Variants in SMIM7 observed in about 807,000 individuals in gnomAD.
SMIM7 encodes the protein small integral membrane protein 7, also known as UPF0608 protein C19orf42.
In SMIM7, 12 loss-of-function variants were observed where a neutral mutation model predicts 13.3. The observed-to-expected ratio is 0.90, with a 90% CI of 0.58 to 1.46. The LOEUF (loss-of-function observed/expected upper bound fraction) is 1.46, where lower values mean the gene tolerates loss of function less well. SMIM7 is among the 40% of genes most tolerant of loss of function. The pLI, the probability that SMIM7 is intolerant of heterozygous loss-of-function variation, is 0.00. For synonymous variants in SMIM7, 36 were observed against 35.8 expected (o/e 1.01, Z -0.02); for missense variants, 114 against 94.8 (o/e 1.20, Z -0.84).
intron 2 of SMIM7, 193 bp downstream of exon 2, chr19:16,659,766 G>T: frequency 1.4e-6 from 1 of 720,422 alleles, no homozygotes; most frequent in Non-Finnish European, 2.3e-6. Context: ...AAGGAACGGA[G>T]AGTATGGGTT....
At chr19:16,652,671 A>C in intron 4 of SMIM7, 1 of 1,398,844 alleles carries the variant, frequency 7.1e-7, no homozygotes, top group Non-Finnish European at 9.3e-7. Flanking sequence ...CATCCTCCCC[A>C]GATCTCCTAT....
intron 4 of SMIM7, among the ~76,000 whole-genome samples, chr19:16,650,840 G>A (rs1189875990): frequency 6.6e-6 from 1 of 152,254 alleles, no homozygotes; most frequent in Non-Finnish European, 1.5e-5. Context: ...CAACTCCCTG[G>A]CTAAACAGTG....
chr19:16,642,987 C>T (rs1438992001), downstream of SMIM7, among the ~76,000 whole-genome samples: 15 of 152,086 alleles, frequency 9.9e-5, no homozygotes, highest in African/African-American at 3.6e-4. Context: ...CCACACCTGG[C>T]TAATTTTTGT....
downstream of SMIM7, chr19:16,641,232 G>A (rs1273263056): frequency 6.6e-6 from 1 of 152,076 alleles, no homozygotes; most frequent in South Asian, 2.1e-4. Flanking sequence ...GTTATAGTAT[G>A]GAGGTTGCTA....
chr19:16,647,606 C>A (rs1230948947), intron 4 of SMIM7, among the ~76,000 whole-genome samples: 1 of 151,002 alleles, frequency 6.6e-6, no homozygotes, highest in Non-Finnish European at 1.5e-5. Flanking sequence ...CAGGCGCCTG[C>A]CACCAAGCCA....
downstream of SMIM7, chr19:16,640,864 C>G (rs1252823587): frequency 6.6e-6 from 1 of 152,016 alleles, no homozygotes; most frequent in Non-Finnish European, 1.5e-5. Context: ...ACCCGGGAGG[C>G]GGAGGCTGCA....
chr19:16,649,439 G>A (rs569115805), intron 4 of SMIM7, among the ~76,000 whole-genome samples: 3 of 152,184 alleles, frequency 2.0e-5, no homozygotes, highest in South Asian at 4.2e-4. Flanking sequence ...TAGGCATGGT[G>A]GTGCACACCT....
In SMIM7 at chr19:16,637,122, C is replaced by T. The variant is rs545594697; in HGVS notation, c.*138-5398G>A. The stretch of plus-strand genomic sequence containing the variant: ...TAAGACGGAGACTGAAACAGCCACA[C>T]GTGGCTCCTGGCTACTGTGCTGCTG... On this transcript the variant is annotated intron_variant and NMD_transcript_variant, in intron 4 of 4. Coordinates refer to the SMIM7 transcript ENST00000465250. Among the ~76,000 whole-genome samples the T allele has an allele frequency of 2.6e-5, 4 of 152,294 alleles. No individual in the cohort carries two copies. The South Asian group carries it at 6.2e-4, about 24-fold the overall frequency.
chr19:16,652,720 A>C, intron 4 of SMIM7: 3 of 1,442,680 alleles, frequency 2.1e-6, no homozygotes, highest in Non-Finnish European at 2.7e-6. Flanking sequence ...CTGGGGTGGC[A>C]CGCAGACTGG....
rs746507357 is a variant in SMIM7, at chr19:16,649,193, A to C, written c.213-1932T>G. 2.0e-5 allele frequency among the ~76,000 whole-genome samples: 3 copies of C among 151,928 alleles called. No individual in the cohort carries two copies. The South Asian group carries it at 6.2e-4, about 32-fold the overall frequency. ...CTGGTGTTTTCTCAAAAGGATAAAC[A>C]CAGGTCGGCTTTAATCTCAGCACTT... On this transcript the variant is annotated intron_variant, in intron 4 of 4. Transcript: ENST00000487416.
downstream of SMIM7, chr19:16,640,974 C>G (rs993044185): frequency 1.3e-5 from 2 of 151,976 alleles, no homozygotes; most frequent in African/African-American, 4.8e-5. Flanking sequence ...AATTGATTAA[C>G]CACACTTGAA....
At chr19:16,655,603 C>G (rs1287374654) in intron 3 of SMIM7, among the ~76,000 whole-genome samples, 1 of 146,888 alleles carries the variant, frequency 6.8e-6, no homozygotes, top group Non-Finnish European at 1.5e-5. Flanking sequence ...ATCACTTGAA[C>G]CTGGGAGGCA....
intron 3 of SMIM7, among the ~76,000 whole-genome samples, chr19:16,657,511 T>C (rs931647157): frequency 1.3e-5 from 2 of 152,212 alleles, no homozygotes; most frequent in Non-Finnish European, 2.9e-5. Flanking sequence ...GCACAACCGC[T>C]AGAGTCAGAA....
At chr19:16,642,549 C>G (rs775484787), downstream of SMIM7, among the ~76,000 whole-genome samples, 7 of 151,104 alleles carry the variant, frequency 4.6e-5, no homozygotes, top group Non-Finnish European at 1.0e-4. Context: ...CTGTCTCAAA[C>G]AAACAAAAAA....
rs1291504541 is a variant in SMIM7, at chr19:16,660,111, C to T, written c.-1G>A. Reference sequence around the variant, plus strand: ...CGAACAGCAGGATGTCTCCGATCATCGTTACGGCCGAAGCGTCCGTCAGAA... The same window carrying T: ...CGAACAGCAGGATGTCTCCGATCATTGTTACGGCCGAAGCGTCCGTCAGAA... On this transcript the variant is annotated 5_prime_UTR_variant, in exon 1 of 5. Coordinates refer to ENST00000487416, the MANE Select transcript of SMIM7 (RefSeq NM_024104.4). The T allele has an allele frequency of 3.7e-6, 6 of 1,614,166 alleles. No individual in the cohort carries two copies. In the South Asian group the frequency reaches 5.5e-5, roughly 15 times the overall value.
chr19:16,648,240 A>C (rs112759676), intron 4 of SMIM7, among the ~76,000 whole-genome samples: 1 of 152,088 alleles, frequency 6.6e-6, no homozygotes, highest in Non-Finnish European at 1.5e-5. Context: ...TCCTGGGTTC[A>C]AGCGATTCTC....
downstream of SMIM7, among the ~76,000 whole-genome samples, chr19:16,642,033 A>G (rs1343864127): frequency 6.6e-6 from 1 of 152,204 alleles, no homozygotes; most frequent in Non-Finnish European, 1.5e-5. Flanking sequence ...TGGTGGAGGA[A>G]GCAAAATGGG....
At chr19:16,658,492 G>A (rs1365648524) in intron 3 of SMIM7, among the ~76,000 whole-genome samples, 2 of 152,172 alleles carry the variant, frequency 1.3e-5, no homozygotes, top group African/African-American at 4.8e-5. Flanking sequence ...AAGGGGTTAG[G>A]GCTGGGATGA....
At chr19:16,647,957 T>C (rs2086471473) in intron 4 of SMIM7, among the ~76,000 whole-genome samples, 1 of 152,128 alleles carries the variant, frequency 6.6e-6, no homozygotes, top group Admixed American at 6.5e-5. Context: ...TTATGTCATA[T>C]AAAAAAATTC....
Sources: gnomAD v4.1 joint callset for allele counts (sites outside exome capture counted in the v4.1 genomes callset) on GRCh38, gnomAD v4.1.1 for gene constraint, MANE v1.5 for transcripts, NCBI Gene and HGNC (gene_info 2026-07-23, HGNC 2026-07-21) for gene names.